F2: variants seen among roughly 807,000 people sequenced by gnomAD.
F2 encodes prothrombin.
F2 carries 34 observed loss-of-function variants against 81.9 expected under a neutral mutation model. The observed-to-expected ratio is 0.42, with a 90% CI of 0.32 to 0.55. The LOEUF (loss-of-function observed/expected upper bound fraction) is 0.55, where lower values mean the gene tolerates loss of function less well. F2 is among the 20% of genes least tolerant of loss of function. F2 has a pLI of 0.18. For missense variants in F2, 630 were observed against 833.4 expected, an observed-to-expected ratio of 0.76 and a Z score of 3.00; for synonymous variants, 296 against 326.4, an observed-to-expected ratio of 0.91 and a Z score of 1.01.
rs747749440 is a variant in F2 at position 46,728,851 on chromosome 11, T to A, written c.1472+14T>A. The A allele has an allele frequency of 6.2e-7, 1 of 1,612,806 alleles. No individual in the cohort carries two copies. ...GACGGCAGCCAGGTGGGCCACCAGA[T>A]GCTTGTTAGCTGAGGGGCAGAAGCC... On this transcript the variant is annotated intron_variant, in intron 11 of 13. Transcript: ENST00000311907. This position sits in a 1 kb window ranked among gnomAD's most constrained non-coding sequence, Gnocchi z 5.1.
At position 46,723,160 on chromosome 11, in the gene F2, C is replaced by T; in HGVS notation, c.317-20C>T. ...ATAAGTCCCCAGGCTCCAAGGCTGA[C>T]CGGGGTGGGGTCTCCGCAGGTAACT... is the stretch of plus-strand genomic sequence containing the variant. On this transcript the variant is annotated intron_variant, in intron 4 of 13. Coordinates refer to ENST00000311907, the MANE Select transcript of F2 (RefSeq NM_000506.5). This position sits in a 1 kb window ranked among gnomAD's most constrained non-coding sequence, Gnocchi z 5.6. 6.2e-7 allele frequency: 1 copy of T among 1,610,418 alleles called. No individual in the cohort carries two copies. Among genetic ancestry groups the T allele is most frequent in the Non-Finnish European group, 8.5e-7 (1 of 1,176,916 alleles).
Position 46,729,543 on chromosome 11 carries a change from G to A in F2, c.1636G>A (p.Asp546Asn). 1 of 1,613,654 alleles carries A rather than the reference G, an allele frequency of 6.2e-7. No homozygotes were observed. Residue 546 changes from aspartate to asparagine, a missense_variant, in exon 12 of 14, where the codon GAC becomes AAC. Transcript: ENST00000311907. ...GGACTCCACCCGGATCCGCATCACT[G>A]ACAACATGTTCTGTGCTGGCAAGTC... ...CKDSTRIRIT[D>N]NMFCAGYKPD...
At chr11:46,725,783 G>C in intron 6 of F2, 76 bp from the exon 7 acceptor site, 1 of 1,518,748 alleles carries the variant, frequency 6.6e-7, no homozygotes, top group Non-Finnish European at 9.1e-7. Context: ...AGCAAGACCG[G>C]GGTTCACACC....
intron 3 of F2, 26 bp downstream of exon 3, chr11:46,720,573 A>G: frequency 6.2e-7 from 1 of 1,614,074 alleles, no homozygotes; most frequent in East Asian, 2.2e-5. Flanking sequence ...GATTTGCCCC[A>G]GGAAGGGAGG....
intron 12 of F2, among the ~76,000 whole-genome samples, chr11:46,731,912 G>GTTTTTTTTTTT (rs71042616): frequency 3.4e-5 from 3 of 88,156 alleles, no homozygotes; most frequent in African/African-American, 1.3e-4. Flanking sequence ...ACACTTTGAT[G>GTTTTTTTTTTT]TTTTTTTTTT....
chr11:46,738,206 G>A (rs898645582), intron 12 of F2, among the ~76,000 whole-genome samples: 4 of 151,746 alleles, frequency 2.6e-5, no homozygotes, highest in South Asian at 2.1e-4. Context: ...TCACCACGTT[G>A]GCCAGGCTGG....
rs2064873918 is a variant in F2, at chr11:46,726,491, C to T, written c.875-7C>T. The T allele has an allele frequency of 1.2e-6, 2 of 1,612,648 alleles. No individual in the cohort carries two copies. Among genetic ancestry groups the T allele is most frequent in the African/African-American group, 2.7e-5 (2 of 75,034 alleles). On this transcript the variant is annotated splice_polypyrimidine_tract_variant and splice_region_variant and intron_variant, in intron 7 of 13. Transcript: ENST00000311907. This position sits in a 1 kb window ranked among gnomAD's most constrained non-coding sequence, Gnocchi z 5.9. ...CCCAGTCCCAGCCGGTGCCTGGGTC[C>T]CAACAGAGGAGGCCGTGGAGGAGGA...
chr11:46,727,824 A>G (rs2064884614), intron 9 of F2, among the ~76,000 whole-genome samples, 172 bp from the exon 10 acceptor site: 2 of 152,144 alleles, frequency 1.3e-5, no homozygotes, highest in South Asian at 2.1e-4. Flanking sequence ...GCAGCCCCTC[A>G]GCATCACACG....
chr11:46,739,172 G>A, intron 13 of F2, 54 bp downstream of exon 13: 1 of 1,613,474 alleles, frequency 6.2e-7, no homozygotes, highest in Non-Finnish European at 8.5e-7. Context: ...GGGGTGGGGA[G>A]AAACTCTAGT....
chr11:46,728,206 T>G lies in F2; in HGVS notation c.1298+43T>G. Reference sequence around the variant, plus strand: ...CGTGGGTGTCTGGCAGGGGTCTGAGTCCTCCAAAGCGATCATGAGGGGCCC... The same window carrying G: ...CGTGGGTGTCTGGCAGGGGTCTGAGGCCTCCAAAGCGATCATGAGGGGCCC... On this transcript the variant is annotated intron_variant, in intron 10 of 13. Coordinates refer to ENST00000311907, the MANE Select transcript of F2 (RefSeq NM_000506.5). This position sits in a 1 kb window ranked among gnomAD's most constrained non-coding sequence, Gnocchi z 5.1. 6.3e-7 allele frequency: 1 copy of G among 1,585,864 alleles called. No homozygotes were observed. The highest frequency in any genetic ancestry group is 1.8e-5 in the Admixed American group (1 of 55,862).
chr11:46,729,308 A>T (rs2064895729), intron 11 of F2, 72 bp from the exon 12 acceptor site: 3 of 1,533,684 alleles, frequency 2.0e-6, no homozygotes, highest in South Asian at 2.3e-5. Context: ...TCTGGTCTCT[A>T]AGAAATGGCG....
intron 12 of F2, among the ~76,000 whole-genome samples, chr11:46,737,467 G>T (rs2064951214): frequency 9.0e-6 from 1 of 110,642 alleles, no homozygotes; most frequent in African/African-American, 3.6e-5. Context: ...TTGAGACAGA[G>T]TCTTGCTCTG....
intron 6 of F2, among the ~76,000 whole-genome samples, chr11:46,724,431 A>C (rs1286645204): frequency 6.6e-6 from 1 of 152,112 alleles, no homozygotes; most frequent in Non-Finnish European, 1.5e-5. Context: ...ACGTGCGTTC[A>C]TGCTGGGGCT....
In F2 at chr11:46,726,104, G is replaced by A; in HGVS notation, c.805G>A (p.Glu269Lys). ...CTTCTGCCGCAACCCAGACGGGGAT[G>A]AGGAGGGCGTGTGGTGCTATGTGGC... is the stretch of plus-strand genomic sequence containing the variant. Reference protein sequence around the residue: ...ENFCRNPDGDEEGVWCYVAGK... With the variant: ...ENFCRNPDGDKEGVWCYVAGK... Residue 269 changes from glutamate to lysine, a missense_variant, in exon 7 of 14, where the codon GAG (glutamate) becomes AAG (lysine). Physicochemically the swap from Glu to Lys is moderately conservative, Grantham distance 56 (BLOSUM62 1). Coordinates refer to ENST00000311907, the MANE Select transcript of F2 (RefSeq NM_000506.5). The surrounding 1 kb of genome is among the most constrained non-coding windows in gnomAD (Gnocchi z 5.9). 1.9e-6 allele frequency: 3 copies of A among 1,614,232 alleles called. No homozygotes were observed. Among genetic ancestry groups the A allele is most frequent in the African/African-American group, 1.3e-5 (1 of 75,074 alleles).
In F2 at chr11:46,723,146, G is replaced by T. The variant is rs746470803; in HGVS notation, c.317-34G>T. ...CAGGGAGAGAGGAAATAAGTCCCCA[G>T]GCTCCAAGGCTGACCGGGGTGGGGT... is the stretch of plus-strand genomic sequence containing the variant. On this transcript the variant is annotated intron_variant, in intron 4 of 13. Coordinates refer to ENST00000311907, the MANE Select transcript of F2 (RefSeq NM_000506.5). This position sits in a 1 kb window ranked among gnomAD's most constrained non-coding sequence, Gnocchi z 5.6. 19 of 1,597,840 alleles carry T rather than the reference G, an allele frequency of 1.2e-5. 1 individual carries two copies. In the South Asian group the frequency reaches 1.8e-4, roughly 15 times the overall value.
intron 2 of F2, 121 bp from the exon 3 acceptor site, chr11:46,720,402 C>T (rs2064828906): frequency 2.6e-6 from 3 of 1,163,314 alleles, no homozygotes; most frequent in East Asian, 4.7e-5. Context: ...CCACAAACCT[C>T]CCCAGAGCCT....
At chr11:46,729,967 G>A (rs1319537503) in intron 12 of F2, among the ~76,000 whole-genome samples, 2 of 152,054 alleles carry the variant, frequency 1.3e-5, no homozygotes, top group African/African-American at 2.4e-5. Flanking sequence ...TCCATAAACA[G>A]ATCTAAAACA....
chr11:46,719,638 C>A lies in F2; in HGVS notation c.80-64C>A. ...GGGAGGGTGGGCTTGCTTCATGCCCCCAGAATGGCCAAGACTGCCTGTTCC... is the reference window on the plus strand; with the variant it reads ...GGGAGGGTGGGCTTGCTTCATGCCCACAGAATGGCCAAGACTGCCTGTTCC... On this transcript the variant is annotated intron_variant, in intron 1 of 13. Transcript: ENST00000311907. The surrounding 1 kb of genome is among the most constrained non-coding windows in gnomAD (Gnocchi z 4.7). The A allele has an allele frequency of 1.3e-6, 2 of 1,546,820 alleles. No individual in the cohort carries two copies. Among genetic ancestry groups the A allele is most frequent in the South Asian group, 2.4e-5 (2 of 83,918 alleles).
chr11:46,722,737 G>A (rs1440902425), intron 4 of F2, among the ~76,000 whole-genome samples: 1 of 152,238 alleles, frequency 6.6e-6, no homozygotes, highest in Admixed American at 6.5e-5. Flanking sequence ...GCCTGGCCTG[G>A]TGGGATGCAT....
Sources: allele counts gnomAD v4.1 joint callset (sites outside exome capture counted in the v4.1 genomes callset), GRCh38; gene constraint gnomAD v4.1.1; non-coding constraint Gnocchi (gnomAD v3.1); transcripts MANE v1.5; gene names NCBI Gene and HGNC (gene_info 2026-07-23, HGNC 2026-07-21).